RTN1: variants seen among roughly 807,000 people sequenced by gnomAD.
RTN1 encodes reticulon 1.
A neutral mutation model predicts 65.5 loss-of-function variants in RTN1; 25 were observed. The ratio of observed to expected loss-of-function variants is 0.38; its 90% CI spans 0.28 to 0.53. The LOEUF (loss-of-function observed/expected upper bound fraction) is 0.53, where lower values mean the gene tolerates loss of function less well. RTN1 is among the 20% of genes least tolerant of loss of function. The pLI, the probability that RTN1 is intolerant of heterozygous loss-of-function variation, is 0.79. For missense variants in RTN1, 983 were observed against 1,025.4 expected, an observed-to-expected ratio of 0.96 and a Z score of 0.57; for synonymous variants, 471 against 447.6, an observed-to-expected ratio of 1.05 and a Z score of -0.66.
Position 59,746,436 on chromosome 14 carries a change from G to A in RTN1, c.287C>T (p.Thr96Ile), listed in dbSNP as rs1885227992. 2 of 1,610,254 alleles carry A rather than the reference G, an allele frequency of 1.2e-6. No individual in the cohort carries two copies. The highest frequency in any genetic ancestry group is 1.7e-6 in the Non-Finnish European group (2 of 1,178,088). The change falls in exon 2 of 9, where the codon ACA becomes ATA. Residue 96 changes from threonine (T) to isoleucine (I), a missense_variant. This residue lies in a region of RTN1 where 818 missense variants were observed against 801.8 expected (regional missense o/e 1.02). Coordinates refer to ENST00000267484, the MANE Select transcript of RTN1 (RefSeq NM_021136.3). ...ACACGATCCTTCCCCATCTTTTGATGTTGTTGAGAAGGTGTGGTCCATGGC... is the reference window on the plus strand; with the variant it reads ...ACACGATCCTTCCCCATCTTTTGATATTGTTGAGAAGGTGTGGTCCATGGC... Reference protein sequence around the residue: ...SSAMDHTFSTTSKDGEGSCYT... With the variant: ...SSAMDHTFSTISKDGEGSCYT...
At chr14:59,697,746 T>G (rs1185353778) in intron 3 of RTN1, among the ~76,000 whole-genome samples, 1 of 152,210 alleles carries the variant, frequency 6.6e-6, no homozygotes, top group Admixed American at 6.5e-5. Context: ...TATTAGATGA[T>G]GTAAGCTTAA....
chr14:59,842,347 T>G (rs1230665130), intron 1 of RTN1, among the ~76,000 whole-genome samples: 2 of 152,160 alleles, frequency 1.3e-5, no homozygotes, highest in Non-Finnish European at 2.9e-5. Flanking sequence ...TAATTGGATA[T>G]TTAAAAATCC....
At chr14:59,603,757 G>T in intron 6 of RTN1, 95 bp downstream of exon 6, 1 of 890,768 alleles carries the variant, frequency 1.1e-6, no homozygotes. Flanking sequence ...TTGTTCCTAG[G>T]AATCTCTTTA....
At chr14:59,742,362 T>G (rs1414019083) in intron 2 of RTN1, among the ~76,000 whole-genome samples, 1 of 152,208 alleles carries the variant, frequency 6.6e-6, no homozygotes, top group South Asian at 2.1e-4. Flanking sequence ...TCCTGGTCAA[T>G]GTCTGGGGCA....
chr14:59,660,984 C>A (rs1485735964), intron 3 of RTN1, among the ~76,000 whole-genome samples: 4 of 151,702 alleles, frequency 2.6e-5, no homozygotes, highest in African/African-American at 9.7e-5. Flanking sequence ...ATAGATAAGA[C>A]TGCTAGCCAG....
At chr14:59,624,891 T>C (rs916558249) in intron 3 of RTN1, among the ~76,000 whole-genome samples, 1 of 152,242 alleles carries the variant, frequency 6.6e-6, no homozygotes, top group African/African-American at 2.4e-5. Flanking sequence ...AGAAAAGTGT[T>C]ATTCTGAAAG....
intron 3 of RTN1, among the ~76,000 whole-genome samples, chr14:59,612,588 C>A (rs757479586): frequency 6.6e-6 from 1 of 152,262 alleles, no homozygotes; most frequent in South Asian, 2.1e-4. Flanking sequence ...GGGGGTATTG[C>A]AGGATAGAAT....
At chr14:59,665,067 C>G (rs1883338363) in intron 3 of RTN1, among the ~76,000 whole-genome samples, 1 of 152,068 alleles carries the variant, frequency 6.6e-6, no homozygotes, top group Non-Finnish European at 1.5e-5. Context: ...TTTTAGTTTA[C>G]ATTGTCTCTG....
At chr14:59,646,462 A>G (rs934092374) in intron 3 of RTN1, among the ~76,000 whole-genome samples, 1 of 152,182 alleles carries the variant, frequency 6.6e-6, no homozygotes, top group Non-Finnish European at 1.5e-5. Flanking sequence ...AATACAGAGA[A>G]CCTCTGCAAG....
intron 1 of RTN1, among the ~76,000 whole-genome samples, chr14:59,791,263 A>G (rs1473786002): frequency 2.0e-5 from 3 of 152,200 alleles, no homozygotes; most frequent in Non-Finnish European, 4.4e-5. Flanking sequence ...TAACCTGAAC[A>G]GTTCTGTCAA....
intron 3 of RTN1, among the ~76,000 whole-genome samples, chr14:59,707,694 C>T (rs2139454249): frequency 6.8e-6 from 1 of 146,038 alleles, no homozygotes; most frequent in South Asian, 2.2e-4. Context: ...CTCTTTCCCT[C>T]TGTCTCTCTC....
intron 1 of RTN1, among the ~76,000 whole-genome samples, chr14:59,852,951 G>C (rs1211151683): frequency 6.6e-6 from 1 of 152,108 alleles, no homozygotes; most frequent in African/African-American, 2.4e-5. Flanking sequence ...TTGTGTCTGT[G>C]TACATATATA....
chr14:59,665,379 A>C (rs1883344783), intron 3 of RTN1, among the ~76,000 whole-genome samples: 1 of 152,212 alleles, frequency 6.6e-6, no homozygotes, highest in Non-Finnish European at 1.5e-5. Context: ...TCCTTTACAG[A>C]CAAGCAAATG....
At position 59,720,690 on chromosome 14, in the gene RTN1, C is replaced by T. The variant is rs191860091; in HGVS notation, c.1765+6229G>A. On this transcript the variant is annotated intron_variant, in intron 3 of 8. Coordinates refer to ENST00000267484, the MANE Select transcript of RTN1 (RefSeq NM_021136.3). ...TGAGCTGAGATCGCGCCACTGCACTCCAGCCTGAGTGACAGAGTAAGACCC... is the reference window on the plus strand; with the variant it reads ...TGAGCTGAGATCGCGCCACTGCACTTCAGCCTGAGTGACAGAGTAAGACCC... 2.4e-4 allele frequency among the ~76,000 whole-genome samples: 36 copies of T among 150,988 alleles called. No individual in the cohort carries two copies. The East Asian group carries it at 5.8e-3, about 24-fold the overall frequency.
chr14:59,607,673 G>A (rs1881806523), intron 3 of RTN1, 181 bp from the exon 4 acceptor site: 2 of 613,664 alleles, frequency 3.3e-6, no homozygotes, highest in Non-Finnish European at 2.9e-6. Context: ...CTTTGGTTTG[G>A]AAGAATCTTT....
At chr14:59,844,610 A>G (rs1178438377) in intron 1 of RTN1, among the ~76,000 whole-genome samples, 1 of 152,178 alleles carries the variant, frequency 6.6e-6, no homozygotes, top group African/African-American at 2.4e-5. Context: ...TGCAGGGTTA[A>G]TGTTTAATAG....
At chr14:59,831,363 A>C (rs1887121747) in intron 1 of RTN1, among the ~76,000 whole-genome samples, 1 of 152,220 alleles carries the variant, frequency 6.6e-6, no homozygotes, top group Non-Finnish European at 1.5e-5. Flanking sequence ...CCCTCAAGTA[A>C]GAAAGGATTT....
At chr14:59,652,540 G>A (rs1883041221) in intron 3 of RTN1, among the ~76,000 whole-genome samples, 1 of 152,142 alleles carries the variant, frequency 6.6e-6, no homozygotes, top group African/African-American at 2.4e-5. Context: ...ATCACGAATG[G>A]AGCTGGAGGC....
chr14:59,856,099 C>T (rs373258913), intron 1 of RTN1, among the ~76,000 whole-genome samples: 19 of 152,058 alleles, frequency 1.2e-4, no homozygotes, highest in East Asian at 1.2e-3. Flanking sequence ...CAGAAAACCC[C>T]GAGAACTCAC....
Sources: allele counts gnomAD v4.1 joint callset (sites outside exome capture counted in the v4.1 genomes callset), GRCh38; gene constraint gnomAD v4.1.1; regional missense constraint gnomAD v4.1.1; transcripts MANE v1.5; gene names NCBI Gene and HGNC (gene_info 2026-07-23, HGNC 2026-07-21).